The following CABCOCO1 variants were observed in gnomAD, a reference collection of about 807,000 sequenced individuals.
The protein encoded by CABCOCO1 is ciliary associated calcium binding coiled-coil 1.
A neutral mutation model predicts 35.7 loss-of-function variants in CABCOCO1; 28 were observed. That is an observed-to-expected ratio of 0.78 (90% CI 0.58 to 1.07). The LOEUF is 1.07. Ranked by LOEUF, CABCOCO1 falls within the 50% of genes least tolerant of loss-of-function variation. CABCOCO1 has a pLI of 0.00. For synonymous variants in CABCOCO1, 95 were observed against 100.1 expected, an observed-to-expected ratio of 0.95 and a Z score of 0.30; for missense variants, 326 against 309.2, an observed-to-expected ratio of 1.05 and a Z score of -0.41.
intron 5 of CABCOCO1, among the ~76,000 whole-genome samples, chr10:61,752,433 A>G (rs1191850792): frequency 6.6e-6 from 1 of 152,158 alleles, no homozygotes; most frequent in Non-Finnish European, 1.5e-5. Flanking sequence ...AACTGTAACA[A>G]CATGTTTCCT....
chr10:61,711,642 A>T (rs764376197), intron 5 of CABCOCO1, among the ~76,000 whole-genome samples: 1 of 152,038 alleles, frequency 6.6e-6, no homozygotes, highest in African/African-American at 2.4e-5. Context: ...TGACATTTAT[A>T]TAAGGAGAAC....
intron 7 of CABCOCO1, among the ~76,000 whole-genome samples, chr10:61,764,692 C>A (rs1278611735): frequency 6.6e-6 from 1 of 152,002 alleles, no homozygotes; most frequent in Non-Finnish European, 1.5e-5. Flanking sequence ...TCCATCCCTC[C>A]TTGCCTCCTC....
intron 5 of CABCOCO1, among the ~76,000 whole-genome samples, chr10:61,695,116 A>C (rs963843081): frequency 6.6e-6 from 1 of 152,004 alleles, no homozygotes; most frequent in Non-Finnish European, 1.5e-5. Flanking sequence ...GCTTGAAAAT[A>C]ATTATCCTTA....
At chr10:61,751,060 T>G (rs1841771453) in intron 5 of CABCOCO1, among the ~76,000 whole-genome samples, 1 of 152,190 alleles carries the variant, frequency 6.6e-6, no homozygotes, top group East Asian at 1.9e-4. Context: ...CAGAGTTGAT[T>G]GAGCTGGGTG....
chr10:61,671,297 C>T (rs918888657), intron 1 of CABCOCO1, among the ~76,000 whole-genome samples: 3 of 151,906 alleles, frequency 2.0e-5, no homozygotes, highest in Admixed American at 2.0e-4. Context: ...TGCACTTCAG[C>T]CTGGGTGACA....
At chr10:61,692,638 TCATAAACACCTCAGTCA>T (rs1840181102) in intron 5 of CABCOCO1, among the ~76,000 whole-genome samples, 1 of 152,138 alleles carries the variant, frequency 6.6e-6, no homozygotes, top group African/African-American at 2.4e-5. Flanking sequence ...ATTACTTGCT[TCATAAACACCTCAGTCA>T]CCATTACTCA....
chr10:61,669,854 C>G (rs1839304027), intron 1 of CABCOCO1, among the ~76,000 whole-genome samples: 1 of 152,034 alleles, frequency 6.6e-6, no homozygotes, highest in Non-Finnish European at 1.5e-5. Flanking sequence ...ATTCACTTTT[C>G]ATGTATATAT....
At chr10:61,763,818 C>G (rs1344982013) in intron 7 of CABCOCO1, among the ~76,000 whole-genome samples, 1 of 151,156 alleles carries the variant, frequency 6.6e-6, no homozygotes, top group Non-Finnish European at 1.5e-5. Context: ...CCAGACCCAA[C>G]CATAGTATTT....
At position 61,756,240 on chromosome 10, in the gene CABCOCO1, T is replaced by C. The variant is rs79174216; in HGVS notation, c.553-3819T>C. On this transcript the variant is annotated intron_variant, in intron 5 of 7. Transcript: ENST00000648843. ...ACAAGTCAAGTAAAGATGTAAACCA[T>C]CTTAAATAACACTAATGCAATGTGC... Among the ~76,000 whole-genome samples, 173 of 152,126 alleles carry C rather than the reference T, an allele frequency of 1.1e-3. 3 individuals are homozygous for C. In the East Asian group the frequency reaches 0.032, roughly 28 times the overall value.
At chr10:61,764,593 C>T (rs1051354213) in intron 7 of CABCOCO1, among the ~76,000 whole-genome samples, 11 of 151,986 alleles carry the variant, frequency 7.2e-5, no homozygotes, top group Admixed American at 5.3e-4. Context: ...GTGCTTCTTT[C>T]GACCCTACCT....
intron 2 of CABCOCO1, among the ~76,000 whole-genome samples, chr10:61,673,644 C>T (rs1839426253): frequency 2.6e-5 from 4 of 152,108 alleles, no homozygotes; most frequent in Admixed American, 1.3e-4. Context: ...AAGAAAAATC[C>T]GAGAAGGGAA....
intron 5 of CABCOCO1, among the ~76,000 whole-genome samples, chr10:61,708,315 G>A (rs935126637): frequency 2.6e-5 from 4 of 151,604 alleles, no homozygotes; most frequent in East Asian, 1.9e-4. Context: ...TACATTTCAC[G>A]TCTTCATTTG....
At chr10:61,708,786 G>A (rs1294704711) in intron 5 of CABCOCO1, among the ~76,000 whole-genome samples, 1 of 152,160 alleles carries the variant, frequency 6.6e-6, no homozygotes, top group African/African-American at 2.4e-5. Flanking sequence ...TACCCTAGTA[G>A]CAGTGCTGTG....
intron 5 of CABCOCO1, among the ~76,000 whole-genome samples, chr10:61,751,476 G>A (rs1014584078): frequency 9.2e-5 from 14 of 152,124 alleles, no homozygotes; most frequent in Non-Finnish European, 1.9e-4. Flanking sequence ...GCAAGGCTTT[G>A]AGTCCAGTAA....
At chr10:61,677,012 C>T (rs961358061) in intron 2 of CABCOCO1, among the ~76,000 whole-genome samples, 1 of 151,472 alleles carries the variant, frequency 6.6e-6, no homozygotes, top group East Asian at 1.9e-4. Flanking sequence ...TGCAGTGAGC[C>T]GGGATGGAGC....
At chr10:61,708,848 A>C (rs1314758013) in intron 5 of CABCOCO1, among the ~76,000 whole-genome samples, 4 of 152,130 alleles carry the variant, frequency 2.6e-5, no homozygotes, top group Non-Finnish European at 5.9e-5. Flanking sequence ...GTACTCCATA[A>C]ATTTTATTTT....
chr10:61,725,085 C>A (rs931014184), intron 5 of CABCOCO1, among the ~76,000 whole-genome samples: 3 of 151,990 alleles, frequency 2.0e-5, no homozygotes, highest in Admixed American at 6.5e-5. Flanking sequence ...CTCTTATTGG[C>A]GATCATTAAA....
chr10:61,762,103 A>G (rs1842021116), intron 7 of CABCOCO1, among the ~76,000 whole-genome samples: 1 of 152,130 alleles, frequency 6.6e-6, no homozygotes, highest in African/African-American at 2.4e-5. Flanking sequence ...TCTCCTTTTT[A>G]GATCTGATAA....
intron 5 of CABCOCO1, among the ~76,000 whole-genome samples, chr10:61,690,953 A>G (rs1364430754): frequency 2.0e-5 from 3 of 152,322 alleles, no homozygotes; most frequent in East Asian, 1.9e-4. Context: ...GAATAATTAT[A>G]TAAAGTAAAG....
Sources: allele counts gnomAD v4.1 joint callset (sites outside exome capture counted in the v4.1 genomes callset), GRCh38; gene constraint gnomAD v4.1.1; transcripts MANE v1.5; gene names NCBI Gene and HGNC (gene_info 2026-07-23, HGNC 2026-07-21).